LAMC3: variants seen among roughly 807,000 people sequenced by gnomAD.
The protein encoded by LAMC3 is laminin subunit gamma-3.
In LAMC3, 128 loss-of-function variants were observed where a neutral mutation model predicts 173.8. That is an observed-to-expected ratio of 0.74 (90% CI 0.64 to 0.85). The LOEUF is 0.85. Ranked by LOEUF, LAMC3 falls within the 40% of genes least tolerant of loss-of-function variation. LAMC3 has a pLI of 0.00. For synonymous variants in LAMC3, 897 were observed against 909.1 expected (o/e 0.99, Z 0.24); for missense variants, 2,022 against 2,156.0 (o/e 0.94, Z 1.23).
chr9:131,047,637 C>T (rs918395284), intron 8 of LAMC3, among the ~76,000 whole-genome samples: 2 of 151,096 alleles, frequency 1.3e-5, no homozygotes, highest in African/African-American at 2.4e-5. Context: ...GTGGGGGGAG[C>T]GGATCACCTG....
At chr9:131,073,484 G>A (rs1446015394) in intron 20 of LAMC3, among the ~76,000 whole-genome samples, 163 bp downstream of exon 20, 1 of 152,186 alleles carries the variant, frequency 6.6e-6, no homozygotes, top group Non-Finnish European at 1.5e-5. Context: ...AGGCAAGGTG[G>A]GTATAAGTCC....
chr9:131,036,029 T>C lies in LAMC3; in HGVS notation c.810-137T>C. 4 of 865,220 alleles carry C rather than the reference T, an allele frequency of 4.6e-6. 1 individual carries two copies. The highest frequency in any genetic ancestry group is 2.8e-5 in the South Asian group (2 of 71,756). 53.6% of individuals were successfully genotyped at this position (865,220 alleles called of 1,614,324 possible). A position where few individuals can be genotyped will look rare whatever the true frequency, so the allele number is the denominator to read the frequency against. ...CTGTTACTGCTGCCCCCAGGGCACA[T>C]AGTAGGTGTTCAGTGAGGGCCAAGA... On this transcript the variant is annotated intron_variant, in intron 3 of 27. Coordinates refer to ENST00000361069, the MANE Select transcript of LAMC3 (RefSeq NM_006059.4).
chr9:131,042,863 C>T (rs1339373639), intron 7 of LAMC3, among the ~76,000 whole-genome samples: 1 of 147,136 alleles, frequency 6.8e-6, no homozygotes. Context: ...ACTAAGGGAG[C>T]ACTATCACAA....
At chr9:131,082,391 A>G (rs1830257322) in intron 24 of LAMC3, among the ~76,000 whole-genome samples, 2 of 152,322 alleles carry the variant, frequency 1.3e-5, no homozygotes, top group Non-Finnish European at 2.9e-5. Context: ...TCATCAGACC[A>G]CATGCAGAGC....
chr9:131,013,316 C>T (rs1833457584), intron 1 of LAMC3, among the ~76,000 whole-genome samples: 1 of 152,120 alleles, frequency 6.6e-6, no homozygotes, highest in Non-Finnish European at 1.5e-5. Context: ...TGGGCTGTGG[C>T]TTTCGGTGGG....
intron 21 of LAMC3, 99 bp from the exon 22 acceptor site, chr9:131,077,088 G>T (rs1830141356): frequency 1.3e-6 from 2 of 1,526,184 alleles, no homozygotes; most frequent in African/African-American, 1.4e-5. Flanking sequence ...TGGGAAGTTG[G>T]CAGAGGCCTT....
intron 7 of LAMC3, among the ~76,000 whole-genome samples, chr9:131,042,583 G>T (rs1834075743): frequency 6.6e-6 from 1 of 151,530 alleles, no homozygotes; most frequent in South Asian, 2.1e-4. Flanking sequence ...CATCACTAAT[G>T]GAGAACTATC....
intron 24 of LAMC3, among the ~76,000 whole-genome samples, chr9:131,083,422 G>C (rs973851668): frequency 7.9e-5 from 12 of 152,172 alleles, no homozygotes; most frequent in African/African-American, 2.7e-4. Flanking sequence ...GCTGTGCTCA[G>C]TTGGTGTTCA....
chr9:131,061,137 C>A lies in LAMC3; in HGVS notation c.2261C>A (p.Pro754His), dbSNP rs748412467. ...GCGGGCCAAGCCGACGACTGCCAGC[C>A]CTGTCCCTGCCCTGGCCAGTCGGCC... ...PFAGQADDCQ[P>H]CPCPGQSACT... is the part of the protein sequence containing the mutation. Residue 754 changes from proline to histidine, a missense_variant, in exon 13 of 28, where the codon CCC becomes CAC. Pro to His is a moderately conservative substitution (Grantham distance 77, BLOSUM62 -2). Coordinates refer to ENST00000361069, the MANE Select transcript of LAMC3 (RefSeq NM_006059.4). 7 of 1,613,538 alleles carry A rather than the reference C, an allele frequency of 4.3e-6. No individual in the cohort carries two copies. Among genetic ancestry groups the A allele is most frequent in the Non-Finnish European group, 5.9e-6 (7 of 1,180,010 alleles).
chr9:131,013,286 C>T (rs1833456908), intron 1 of LAMC3, among the ~76,000 whole-genome samples: 1 of 152,072 alleles, frequency 6.6e-6, no homozygotes, highest in African/African-American at 2.4e-5. Context: ...CTTGAAGCCT[C>T]GGTCCTGGGA....
intron 12 of LAMC3, 38 bp downstream of exon 12, chr9:131,057,185 T>C (rs1255683621): frequency 1.3e-6 from 2 of 1,573,198 alleles, no homozygotes; most frequent in South Asian, 1.1e-5. Flanking sequence ...GCACCTGGGT[T>C]ATACCCAAAA....
chr9:131,077,053 C>T (rs1302446690), intron 21 of LAMC3, 134 bp from the exon 22 acceptor site: 13 of 1,197,790 alleles, frequency 1.1e-5, no homozygotes, highest in Non-Finnish European at 1.5e-5. Flanking sequence ...GCAGCTGTAC[C>T]TACCCCGCAG....
At position 131,087,614 on chromosome 9, in the gene LAMC3, G is replaced by A. The variant is rs903687634; in HGVS notation, c.4369G>A (p.Ala1457Thr). Residue 1457 changes from alanine (A) to threonine (T), a missense_variant, in exon 26 of 28, where the codon GCT becomes ACT. Physicochemically the swap from Ala to Thr is moderately conservative, Grantham distance 58 (BLOSUM62 0). Coordinates refer to ENST00000361069, the MANE Select transcript of LAMC3 (RefSeq NM_006059.4). ...AGCACGCAGACAGGAGCTGGAGGAAGCTGAGCGGGTACGTTTGCCAGGGCC... is the reference window on the plus strand; with the variant it reads ...AGCACGCAGACAGGAGCTGGAGGAAACTGAGCGGGTACGTTTGCCAGGGCC... ...SEARRQELEE[A>T]ERVGAGLSEM... The A allele has an allele frequency of 3.7e-5, 59 of 1,613,848 alleles. No individual in the cohort carries two copies. Among genetic ancestry groups the A allele is most frequent in the Non-Finnish European group, 4.8e-5 (57 of 1,179,980 alleles).
In LAMC3 at chr9:131,009,724, A is replaced by G; in HGVS notation, c.373+137A>G. On this transcript the variant is annotated intron_variant, in intron 1 of 27. Transcript: ENST00000361069. This position sits in a 1 kb window ranked among gnomAD's most constrained non-coding sequence, Gnocchi z 4.3. ...ATGGTGTTGGATGGAGGGGCTCAGA[A>G]ATAGGAATTAGGCTGGGTGCGGTGG... 9.2e-7 allele frequency: 1 copy of G among 1,086,962 alleles called. No individual in the cohort carries two copies. The highest frequency in any genetic ancestry group is 1.3e-6 in the Non-Finnish European group (1 of 763,010). The allele number at this position is 1,086,962 out of a possible 1,614,324, so 67.3% of individuals were successfully genotyped here.
At chr9:131,039,080 C>T (rs375750149) in intron 5 of LAMC3, 28 bp downstream of exon 5, 66 of 1,612,306 alleles carry the variant, frequency 4.1e-5, no homozygotes, top group East Asian at 8.9e-5. Flanking sequence ...CCCCAGCCTC[C>T]GACCCTCTCC....
intron 1 of LAMC3, among the ~76,000 whole-genome samples, chr9:131,024,680 G>A (rs570581611): frequency 2.1e-4 from 32 of 152,318 alleles, no homozygotes; most frequent in Admixed American, 5.2e-4. Context: ...GACTCCCTGC[G>A]TGGGCCGTTC....
intron 11 of LAMC3, among the ~76,000 whole-genome samples, chr9:131,056,300 C>T (rs914331697): frequency 1.3e-5 from 2 of 152,144 alleles, no homozygotes; most frequent in Admixed American, 6.5e-5. Context: ...AGGTGAGTTT[C>T]CTACACGCCA....
intron 1 of LAMC3, among the ~76,000 whole-genome samples, chr9:131,019,723 T>G (rs1019955866): frequency 1.3e-5 from 2 of 152,020 alleles, no homozygotes; most frequent in African/African-American, 4.8e-5. Flanking sequence ...AAAACCTGGG[T>G]GCCCTCCTAC....
chr9:131,014,041 C>T (rs955685004), intron 1 of LAMC3, among the ~76,000 whole-genome samples: 24 of 152,258 alleles, frequency 1.6e-4, no homozygotes, highest in African/African-American at 5.3e-4. Flanking sequence ...GCTGGTTAGC[C>T]TCCATCCACC....
Sources: allele counts gnomAD v4.1 joint callset (sites outside exome capture counted in the v4.1 genomes callset), GRCh38; gene constraint gnomAD v4.1.1; non-coding constraint Gnocchi (gnomAD v3.1); transcripts MANE v1.5; gene names NCBI Gene and HGNC (gene_info 2026-07-23, HGNC 2026-07-21).